Variants in AGMO observed in about 807,000 individuals in gnomAD.
AGMO encodes the protein alkylglycerol monooxygenase.
AGMO carries 75 observed loss-of-function variants against 60.2 expected under a neutral mutation model. The observed-to-expected ratio is 1.25, with a 90% CI of 1.03 to 1.51. The LOEUF is 1.51. AGMO is among the 40% of genes most tolerant of loss of function. The pLI, the probability that AGMO is intolerant of heterozygous loss-of-function variation, is 0.00. For missense variants in AGMO, 763 were observed against 525.5 expected, an observed-to-expected ratio of 1.45 and a Z score of -4.42; for synonymous variants, 261 against 177.1, an observed-to-expected ratio of 1.47 and a Z score of -3.76.
intron 12 of AGMO, among the ~76,000 whole-genome samples, chr7:15,351,334 T>G (rs1782236893): frequency 6.6e-6 from 1 of 152,136 alleles, no homozygotes; most frequent in African/African-American, 2.4e-5. Flanking sequence ...TTGCAAGACT[T>G]GAAAGAGATA....
At chr7:15,127,938 T>C in the AGMO span, among the ~76,000 whole-genome samples, 1 of 152,104 alleles carries the variant, frequency 6.6e-6, no homozygotes, top group African/African-American at 2.4e-5. Context: ...CCTTTCTCCA[T>C]TAGTGACATG....
At chr7:15,444,055 C>G (rs1416083250) in intron 3 of AGMO, among the ~76,000 whole-genome samples, 1 of 152,170 alleles carries the variant, frequency 6.6e-6, no homozygotes, top group African/African-American at 2.4e-5. Context: ...TATTTTGTAT[C>G]CACCACTATT....
chr7:15,309,103 G>C (rs935324369), intron 12 of AGMO, among the ~76,000 whole-genome samples: 1 of 152,130 alleles, frequency 6.6e-6, no homozygotes, highest in Non-Finnish European at 1.5e-5. Context: ...TAGTTCCTTA[G>C]ACTAGTTATT....
chr7:15,233,787 C>T (rs550569590), intron 12 of AGMO, among the ~76,000 whole-genome samples: 1 of 152,270 alleles, frequency 6.6e-6, no homozygotes, highest in Admixed American at 6.5e-5. Context: ...TGCAGTGGCT[C>T]ACACCTGTAA....
chr7:15,409,052 G>A (rs1027579180), intron 5 of AGMO, among the ~76,000 whole-genome samples: 1 of 151,856 alleles, frequency 6.6e-6, no homozygotes, highest in African/African-American at 2.4e-5. Context: ...GCACAGTATG[G>A]AAAGTAATGA....
intron 5 of AGMO, among the ~76,000 whole-genome samples, chr7:15,418,038 C>T (rs1295714112): frequency 6.6e-6 from 1 of 151,992 alleles, no homozygotes; most frequent in East Asian, 1.9e-4. Flanking sequence ...TACATTTCTT[C>T]AGGTTTTTTT....
chr7:15,229,511 A>G (rs1201809202), intron 12 of AGMO, among the ~76,000 whole-genome samples: 2 of 149,806 alleles, frequency 1.3e-5, no homozygotes, highest in East Asian at 3.9e-4. Context: ...TCCTTCCAAA[A>G]AAAAAAAAGA....
chr7:15,228,585 A>G lies in AGMO; in HGVS notation c.1264-27226T>C, dbSNP rs1583308778. Among the ~76,000 whole-genome samples, 4 of 152,158 alleles carry G rather than the reference A, an allele frequency of 2.6e-5. No homozygotes were observed. In the East Asian group the frequency reaches 7.7e-4, roughly 29 times the overall value. On this transcript the variant is annotated intron_variant, in intron 12 of 12. Coordinates refer to ENST00000342526, the MANE Select transcript of AGMO (RefSeq NM_001004320.2). ...CACATATTGCAAATGCAGGACAGAA[A>G]AGTGAAAGAGCAAGTCATTAAGAGA...
Position 15,413,416 on chromosome 7 carries a change from T to C in AGMO, c.609+5142A>G, listed in dbSNP as rs140885737. Among the ~76,000 whole-genome samples, 1,136 of 152,204 alleles carry C rather than the reference T, an allele frequency of 7.5e-3. 21 individuals are homozygous for C. Among genetic ancestry groups the C allele is most frequent in the African/African-American group, 0.026 (1,074 of 41,526 alleles). ...GAAAGAGAAAAGGACAGAAACAATGTTTAAGAAAATCATGACCAGGACCCC... is the reference window on the plus strand; with the variant it reads ...GAAAGAGAAAAGGACAGAAACAATGCTTAAGAAAATCATGACCAGGACCCC... On this transcript the variant is annotated intron_variant, in intron 5 of 12. Coordinates refer to ENST00000342526, the MANE Select transcript of AGMO (RefSeq NM_001004320.2).
At chr7:15,344,020 T>C (rs552989354) in intron 12 of AGMO, among the ~76,000 whole-genome samples, 10 of 152,286 alleles carry the variant, frequency 6.6e-5, no homozygotes, top group African/African-American at 2.2e-4. Flanking sequence ...TTTTACAGAT[T>C]TTGGAACTTA....
At chr7:15,232,080 ATTT>A (rs1353461469) in intron 12 of AGMO, among the ~76,000 whole-genome samples, 1 of 152,120 alleles carries the variant, frequency 6.6e-6, no homozygotes, top group Non-Finnish European at 1.5e-5. Context: ...ATCATAAGCG[ATTT>A]TTTATTTCTC....
intron 12 of AGMO, among the ~76,000 whole-genome samples, chr7:15,338,464 G>A (rs1031542213): frequency 4.1e-5 from 4 of 96,408 alleles, no homozygotes; most frequent in Admixed American, 1.9e-4. Context: ...GTGATGCTCT[G>A]ATCTTATTTA....
intron 12 of AGMO, among the ~76,000 whole-genome samples, chr7:15,290,123 T>G (rs920904986): frequency 1.3e-5 from 2 of 151,120 alleles, no homozygotes; most frequent in African/African-American, 4.9e-5. Flanking sequence ...TCTGCCTCCC[T>G]GGTTCCAGTG....
At chr7:15,160,651 G>T in the AGMO span, among the ~76,000 whole-genome samples, 1 of 151,976 alleles carries the variant, frequency 6.6e-6, no homozygotes. Flanking sequence ...GAACAATAAT[G>T]CAAATCTATT....
chr7:15,398,814 C>T (rs1233935509), intron 5 of AGMO, among the ~76,000 whole-genome samples: 1 of 152,056 alleles, frequency 6.6e-6, no homozygotes, highest in Non-Finnish European at 1.5e-5. Flanking sequence ...TTTTAAAAAA[C>T]CCATAAAACT....
At chr7:15,416,632 C>A (rs1298169341) in intron 5 of AGMO, among the ~76,000 whole-genome samples, 2 of 152,022 alleles carry the variant, frequency 1.3e-5, no homozygotes, top group Admixed American at 1.3e-4. Flanking sequence ...ATATGCAGGG[C>A]TCTTTGGCTA....
intron 3 of AGMO, among the ~76,000 whole-genome samples, chr7:15,487,193 T>A (rs960837241): frequency 6.6e-6 from 1 of 152,182 alleles, no homozygotes; most frequent in African/African-American, 2.4e-5. Context: ...GGTGAAAAAT[T>A]CTAAATGAAC....
rs184052847 is a variant in AGMO at position 15,484,059 on chromosome 7, T to C, written c.410-52951A>G. On this transcript the variant is annotated intron_variant, in intron 3 of 12. Transcript: ENST00000342526. ...AGTATAATCCCTGCAGTAGAATTTCTGGGTCTTAGGATATACATATAGTTC... is the reference window on the plus strand; with the variant it reads ...AGTATAATCCCTGCAGTAGAATTTCCGGGTCTTAGGATATACATATAGTTC... 3.3e-5 allele frequency among the ~76,000 whole-genome samples: 5 copies of C among 152,262 alleles called. No individual in the cohort carries two copies. In the East Asian group the frequency reaches 9.7e-4, roughly 29 times the overall value.
rs116074875 is a variant in AGMO, at chr7:15,417,340, T to A, written c.609+1218A>T. ...ACTTCATGAAATGGAACTCAAGACC[T>A]AGCTCATGGCCCTCTCATCGGGACA... On this transcript the variant is annotated intron_variant, in intron 5 of 12. Coordinates refer to ENST00000342526, the MANE Select transcript of AGMO (RefSeq NM_001004320.2). 8.0e-3 allele frequency among the ~76,000 whole-genome samples: 1,216 copies of A among 152,256 alleles called. 18 individuals are homozygous for A. Among genetic ancestry groups the A allele is most frequent in the African/African-American group, 0.028 (1,143 of 41,544 alleles).
Sources: allele counts gnomAD v4.1 joint callset (sites outside exome capture counted in the v4.1 genomes callset), GRCh38; gene constraint gnomAD v4.1.1; transcripts MANE v1.5; gene names NCBI Gene and HGNC (gene_info 2026-07-23, HGNC 2026-07-21).